SDK2: variants seen among roughly 807,000 people sequenced by gnomAD.
SDK2 encodes the protein sidekick cell adhesion molecule 2, also known as protein sidekick-2.
A neutral mutation model predicts 253.9 loss-of-function variants in SDK2; 105 were observed. That is an observed-to-expected ratio of 0.41 (90% CI 0.35 to 0.49). SDK2 has a LOEUF of 0.49. SDK2 is among the 20% of genes least tolerant of loss of function. The probability of loss-of-function intolerance (pLI) is 0.06; values close to 1 mark genes in which losing one functional copy is unlikely to be tolerated. For missense variants in SDK2, 2,608 were observed against 3,003.0 expected (o/e 0.87, Z 3.07); for synonymous variants, 1,249 against 1,234.9 (o/e 1.01, Z -0.24).
intron 1 of SDK2, among the ~76,000 whole-genome samples, chr17:73,591,488 G>A (rs1027554386): frequency 3.9e-5 from 6 of 152,174 alleles, no homozygotes; most frequent in Non-Finnish European, 1.5e-5. Flanking sequence ...AACACAGGAT[G>A]TTCGGTTACA....
chr17:73,632,908 A>G (rs16977721), intron 1 of SDK2, among the ~76,000 whole-genome samples: 6,069 of 152,322 alleles, frequency 0.04, 422 homozygotes, highest in African/African-American at 0.14. Flanking sequence ...CAGCAGCATC[A>G]ACCAGCTTTA....
At chr17:73,586,430 C>T (rs2045603988) in intron 1 of SDK2, among the ~76,000 whole-genome samples, 1 of 152,168 alleles carries the variant, frequency 6.6e-6, no homozygotes, top group Admixed American at 6.5e-5. Flanking sequence ...TTCCTTCTGG[C>T]TATTAATTAA....
At chr17:73,446,334 C>T (rs1375517033) in intron 5 of SDK2, among the ~76,000 whole-genome samples, 1 of 152,148 alleles carries the variant, frequency 6.6e-6, no homozygotes, top group Non-Finnish European at 1.5e-5. Flanking sequence ...GAGACCCTGA[C>T]TCGATGTCAG....
intron 36 of SDK2, among the ~76,000 whole-genome samples, chr17:73,378,557 T>C (rs2062803259): frequency 6.6e-6 from 1 of 151,998 alleles, no homozygotes; most frequent in South Asian, 2.1e-4. Flanking sequence ...ATAGCTGGGA[T>C]TACCGGTGCC....
intron 1 of SDK2, 42 bp from the exon 2 acceptor site, chr17:73,507,639 C>T (rs1200844115): frequency 1.2e-5 from 18 of 1,540,306 alleles, no homozygotes; most frequent in Non-Finnish European, 1.6e-5. Context: ...ATCACTTGCT[C>T]ACCTATGTGA....
At chr17:73,343,142 A>G (rs934655363) in intron 44 of SDK2, among the ~76,000 whole-genome samples, 2 of 152,130 alleles carry the variant, frequency 1.3e-5, no homozygotes, top group Admixed American at 1.3e-4. Context: ...CCCAAAGCCC[A>G]CTCATCTAGA....
chr17:73,479,820 A>G (rs2063710094), intron 2 of SDK2, among the ~76,000 whole-genome samples: 1 of 151,854 alleles, frequency 6.6e-6, no homozygotes, highest in African/African-American at 2.4e-5. Context: ...CCTCCCAAGT[A>G]GCTGGGATTA....
rs2064004312 is a variant in SDK2, at chr17:73,514,210, C to G, written c.65-6613G>C. On this transcript the variant is annotated intron_variant, in intron 1 of 44. Transcript: ENST00000392650. The stretch of plus-strand genomic sequence containing the variant: ...TGTCACGTGGCTCGGAGGTCCCGGA[C>G]CAGCAGAGCCTGAGCTGCTTAAATG... 2.0e-5 allele frequency among the ~76,000 whole-genome samples: 3 copies of G among 152,122 alleles called. No individual in the cohort carries two copies. In the South Asian group the frequency reaches 6.2e-4, roughly 32 times the overall value.
In SDK2 at chr17:73,467,468, G is replaced by A. The variant is rs954206589; in HGVS notation, c.331+4644C>T. Among the ~76,000 whole-genome samples the A allele has an allele frequency of 6.6e-6, 1 of 152,160 alleles. No individual in the cohort carries two copies. The highest frequency in any genetic ancestry group is 1.5e-5 in the Non-Finnish European group (1 of 68,022). On this transcript the variant is annotated intron_variant, in intron 3 of 44. Coordinates refer to ENST00000392650, the MANE Select transcript of SDK2 (RefSeq NM_001144952.2). The surrounding 1 kb of genome is among the most constrained non-coding windows in gnomAD (Gnocchi z 4.1). Reference sequence around the variant, plus strand: ...GAACCACTGTGCCCTTCCCAGCACAGTGACCCTCAGGACGAGCACTGCTAT... The same window carrying A: ...GAACCACTGTGCCCTTCCCAGCACAATGACCCTCAGGACGAGCACTGCTAT...
intron 1 of SDK2, among the ~76,000 whole-genome samples, chr17:73,561,726 C>T (rs552964997): frequency 8.5e-5 from 13 of 152,324 alleles, no homozygotes; most frequent in Non-Finnish European, 1.6e-4. Context: ...TGAATTGAGT[C>T]TCTGCTCTCA....
At chr17:73,532,241 G>A (rs190294263) in intron 1 of SDK2, among the ~76,000 whole-genome samples, 63 of 117,916 alleles carry the variant, frequency 5.3e-4, no homozygotes, top group African/African-American at 2.0e-3. Flanking sequence ...AGCACGGAAT[G>A]TCAACTGTGC....
chr17:73,620,494 T>G (rs974473854), intron 1 of SDK2, among the ~76,000 whole-genome samples: 3 of 152,162 alleles, frequency 2.0e-5, no homozygotes, highest in Non-Finnish European at 4.4e-5. Flanking sequence ...AAACATAGAA[T>G]TACCACATGA....
chr17:73,448,489 C>A (rs555506778), intron 4 of SDK2, among the ~76,000 whole-genome samples: 1 of 151,678 alleles, frequency 6.6e-6, no homozygotes, highest in South Asian at 2.1e-4. Flanking sequence ...CTCAGCCTCC[C>A]GAGTAGCTAG....
intron 1 of SDK2, among the ~76,000 whole-genome samples, chr17:73,573,620 G>C (rs1335956897): frequency 1.3e-5 from 2 of 152,248 alleles, no homozygotes; most frequent in East Asian, 3.9e-4. Flanking sequence ...CATCACCCTG[G>C]GCAGCACCAC....
intron 3 of SDK2, among the ~76,000 whole-genome samples, chr17:73,461,527 G>T (rs2063562509): frequency 6.6e-6 from 1 of 152,216 alleles, no homozygotes; most frequent in Non-Finnish European, 1.5e-5. Context: ...AATGGGAGGG[G>T]AAGTACGTGA....
chr17:73,401,994 C>G lies in SDK2; in HGVS notation c.2632G>C (p.Gly878Arg). 1 of 1,613,504 alleles carries G rather than the reference C, an allele frequency of 6.2e-7. No individual in the cohort carries two copies. The highest frequency in any genetic ancestry group is 8.5e-7 in the Non-Finnish European group (1 of 1,179,726). ...TGCGGGGTGCTGCGTGGCCCGTCCC[C>G]GGGGGTGGTGAAACACAGCACTGAG... ...FTSVLCFTTP[G>R]DGPRSTPQLV... is the part of the protein sequence containing the mutation. Residue 878 changes from glycine to arginine, a missense_variant, in exon 19 of 45, where the codon GGG (glycine) becomes CGG (arginine). Around this residue, in one of 2 missense-constraint regions of SDK2, gnomAD observed 1,505 missense variants for 1,859.1 expected, o/e 0.81. Transcript: ENST00000392650.
At chr17:73,386,967 T>C (rs1055102686) in intron 30 of SDK2, among the ~76,000 whole-genome samples, 5 of 152,138 alleles carry the variant, frequency 3.3e-5, no homozygotes, top group Admixed American at 6.5e-5. Context: ...GGAGTCTTTT[T>C]TTGTTGTTGT....
intron 2 of SDK2, among the ~76,000 whole-genome samples, chr17:73,483,479 T>TTGTGTGTGTGTG: frequency 7.8e-6 from 1 of 127,668 alleles, no homozygotes; most frequent in African/African-American, 3.1e-5. Flanking sequence ...TGGCTAATCT[T>TTGTGTGTGTGTG]TGTGTGTGTG....
At position 73,359,335 on chromosome 17, in the gene SDK2, C is replaced by T. The variant is rs151183210; in HGVS notation, c.5468-1131G>A. On this transcript the variant is annotated intron_variant, in intron 39 of 44. Transcript: ENST00000392650. ...CATCGCTCACACAGCCTGGCAGCCC[C>T]GCCTGGCCCCTATGCCCACCCCACA... Among the ~76,000 whole-genome samples, 41 of 152,270 alleles carry T rather than the reference C, an allele frequency of 2.7e-4. No individual in the cohort carries two copies. The Middle Eastern group carries it at 0.01, about 38-fold the overall frequency.
Sources: allele counts gnomAD v4.1 joint callset (sites outside exome capture counted in the v4.1 genomes callset), GRCh38; gene constraint gnomAD v4.1.1; regional missense constraint gnomAD v4.1.1; non-coding constraint Gnocchi (gnomAD v3.1); transcripts MANE v1.5; gene names NCBI Gene and HGNC (gene_info 2026-07-23, HGNC 2026-07-21).